Variants in VMP1 observed in about 807,000 individuals in gnomAD.
VMP1 encodes vacuole membrane protein 1, also known as ectopic P-granules autophagy protein 3 homolog.
A neutral mutation model predicts 56.0 loss-of-function variants in VMP1; 11 were observed. The ratio of observed to expected loss-of-function variants is 0.20; its 90% CI spans 0.12 to 0.32. The LOEUF (loss-of-function observed/expected upper bound fraction) is 0.32. VMP1 is among the 10% of genes least tolerant of loss of function. The pLI is 1.00. For missense variants in VMP1, 296 were observed against 490.3 expected (o/e 0.60, Z 3.74); for synonymous variants, 149 against 165.0 (o/e 0.90, Z 0.74).
chr17:59,773,677 A>G, intron 6 of VMP1, 77 bp from the exon 7 acceptor site: 2 of 1,365,106 alleles, frequency 1.5e-6, no homozygotes, highest in Non-Finnish European at 2.0e-6. Flanking sequence ...GGTGATATAG[A>G]AGAGTATGGG....
At chr17:59,770,734 C>T (rs1229308708) in intron 6 of VMP1, among the ~76,000 whole-genome samples, 1 of 151,984 alleles carries the variant, frequency 6.6e-6, no homozygotes, top group African/African-American at 2.4e-5. Context: ...GCGCACACCA[C>T]CATACCCGGC....
rs3064256 is a variant in VMP1, at chr17:59,713,683, CTT to C, written c.-27+5953_-27+5954del. On this transcript the variant is annotated intron_variant, in intron 1 of 11. Transcript: ENST00000262291. ...GACAACATGGCAAAACCCCATCTCT[CTT>C]TTTTTTTTTTTTTTTTTGTTAAAAA... is the stretch of plus-strand genomic sequence containing the variant. Among the ~76,000 whole-genome samples the C allele has an allele frequency of 3.3e-3, 357 of 108,724 alleles. 1 individual carries two copies. The highest frequency in any genetic ancestry group is 0.011 in the African/African-American group (303 of 28,334). 71.3% of individuals were successfully genotyped at this position (108,724 alleles called of 152,430 possible).
chr17:59,831,421 C>A (rs2038801121), intron 10 of VMP1, among the ~76,000 whole-genome samples: 1 of 152,150 alleles, frequency 6.6e-6, no homozygotes, highest in Non-Finnish European at 1.5e-5. Flanking sequence ...CCTCCTGCCT[C>A]AGTCTCCCAA....
chr17:59,789,745 A>G (rs1309780463), intron 7 of VMP1, among the ~76,000 whole-genome samples: 1 of 151,122 alleles, frequency 6.6e-6, no homozygotes, highest in African/African-American at 2.4e-5. Context: ...TTTATTTCTA[A>G]TTAGCCAAGA....
Position 59,708,690 on chromosome 17 carries a change from A to G in VMP1, c.-27+942A>G, listed in dbSNP as rs539257483. On this transcript the variant is annotated intron_variant, in intron 1 of 11. Coordinates refer to ENST00000262291, the MANE Select transcript of VMP1 (RefSeq NM_030938.5). ...CAAGTGTTTCTGGTGTTGTCATGAT[A>G]GAATTTAATATTCCAGTTGCTACTA... Among the ~76,000 whole-genome samples the G allele has an allele frequency of 2.6e-5, 4 of 152,368 alleles. No homozygotes were observed. The East Asian group carries it at 7.7e-4, about 29-fold the overall frequency.
At chr17:59,824,014 G>A (rs565068424) in intron 10 of VMP1, among the ~76,000 whole-genome samples, 187 of 151,856 alleles carry the variant, frequency 1.2e-3, no homozygotes, top group African/African-American at 4.1e-3. Flanking sequence ...CTGTAATCCC[G>A]GCACTTTGGG....
chr17:59,735,555 C>G, intron 3 of VMP1, 82 bp downstream of exon 3: 5 of 1,438,218 alleles, frequency 3.5e-6, no homozygotes, highest in Non-Finnish European at 3.8e-6. Context: ...TACTTTCTGC[C>G]CTCTACTCCA....
intron 6 of VMP1, among the ~76,000 whole-genome samples, chr17:59,768,706 G>C (rs139360124): frequency 0.023 from 3,423 of 152,054 alleles, 55 homozygotes; most frequent in Middle Eastern, 0.041. Flanking sequence ...TAATTCACCG[G>C]GCGCGGTGGC....
chr17:59,718,421 C>T (rs2034259610), intron 1 of VMP1, among the ~76,000 whole-genome samples: 1 of 151,862 alleles, frequency 6.6e-6, no homozygotes. Context: ...TGGTCTCAAT[C>T]TCCTGACCTC....
chr17:59,820,438 A>G (rs188919192), intron 10 of VMP1, among the ~76,000 whole-genome samples: 35 of 152,324 alleles, frequency 2.3e-4, no homozygotes, highest in Non-Finnish European at 4.7e-4. Flanking sequence ...CATGACAATC[A>G]CAAATGTCTC....
rs1470122014 is a variant in VMP1 at position 59,735,434 on chromosome 17, C to T, written c.173C>T (p.Ser58Phe). The T allele has an allele frequency of 1.2e-6, 2 of 1,614,126 alleles. No homozygotes were observed. The highest frequency in any genetic ancestry group is 1.7e-6 in the Non-Finnish European group (2 of 1,180,004). ...RQPLITLQYF[S>F]LEILVILKEW... is the part of the protein sequence containing the mutation. The stretch of plus-strand genomic sequence containing the variant: ...CCGCTCATTACCTTGCAGTATTTTT[C>T]TCTGGAAATCCTTGTAATCTTGAAG... Residue 58 changes from serine (S) to phenylalanine (F), a missense_variant, in exon 3 of 12, where the codon TCT becomes TTT. Around this residue, in one of 4 missense-constraint regions of VMP1, gnomAD observed 69 missense variants for 76.6 expected, o/e 0.90. Coordinates refer to ENST00000262291, the MANE Select transcript of VMP1 (RefSeq NM_030938.5).
chr17:59,739,380 A>C (rs1465475830), intron 5 of VMP1, among the ~76,000 whole-genome samples: 1 of 152,220 alleles, frequency 6.6e-6, no homozygotes, highest in African/African-American at 2.4e-5. Context: ...ATGGAGTATT[A>C]ACATGTAGAA....
In VMP1 at chr17:59,790,748, G is replaced by A. The variant is rs760585956; in HGVS notation, c.714+16863G>A. Among the ~76,000 whole-genome samples the A allele has an allele frequency of 9.2e-5, 14 of 152,208 alleles. 1 individual carries two copies. Among genetic ancestry groups the A allele is most frequent in the South Asian group, 4.2e-4 (2 of 4,816 alleles). On this transcript the variant is annotated intron_variant, in intron 7 of 11. Transcript: ENST00000262291. ...AGAGGCTGCAGTGAGCCATGATCAC[G>A]CCACTGCACTCCAGTCTGGGTGACA...
intron 7 of VMP1, among the ~76,000 whole-genome samples, chr17:59,799,888 G>T (rs962265234): frequency 2.0e-5 from 3 of 150,880 alleles, no homozygotes; most frequent in Admixed American, 6.6e-5. Flanking sequence ...ACTTGAACCC[G>T]GGAGGCGGAG....
chr17:59,725,911 A>G (rs1568029696), intron 1 of VMP1, among the ~76,000 whole-genome samples: 1 of 152,208 alleles, frequency 6.6e-6, no homozygotes, highest in Non-Finnish European at 1.5e-5. Flanking sequence ...CCTTCAAATA[A>G]TTGTGCAATA....
chr17:59,815,630 G>A (rs1199639894), intron 9 of VMP1, among the ~76,000 whole-genome samples: 2 of 152,142 alleles, frequency 1.3e-5, no homozygotes, highest in African/African-American at 4.8e-5. Flanking sequence ...GAGGCAGGTG[G>A]ATCACAAGGT....
intron 7 of VMP1, among the ~76,000 whole-genome samples, chr17:59,782,589 G>A (rs1432116838): frequency 4.6e-5 from 7 of 152,014 alleles, no homozygotes; most frequent in Non-Finnish European, 7.4e-5. Context: ...TTTGTTGCTG[G>A]GATCTGCTCG....
rs1164208658 is a variant in VMP1 at position 59,840,633 on chromosome 17, A to G, written c.*722A>G. 2 of 152,604 alleles carry G rather than the reference A, an allele frequency of 1.3e-5. No individual in the cohort carries two copies. The highest frequency in any genetic ancestry group is 4.8e-5 in the African/African-American group (2 of 41,460). The allele number at this position is 152,604 out of a possible 1,614,324, so 9.5% of individuals were successfully genotyped here. A position where few individuals can be genotyped will look rare whatever the true frequency, so the allele number is the denominator to read the frequency against. On this transcript the variant is annotated 3_prime_UTR_variant, in exon 12 of 12. Transcript: ENST00000262291. The stretch of plus-strand genomic sequence containing the variant: ...TTGAGCGTTTTGATTTTTTACTTTT[A>G]GCTTATACCAGCTGAATGGCAGCCT...
chr17:59,773,024 C>T (rs1056741199), intron 6 of VMP1, among the ~76,000 whole-genome samples: 5 of 117,940 alleles, frequency 4.2e-5, no homozygotes, highest in African/African-American at 1.6e-4. Flanking sequence ...TGTAGTGGTG[C>T]GATCTCAGCT....
Sources: allele counts gnomAD v4.1 joint callset (sites outside exome capture counted in the v4.1 genomes callset), GRCh38; gene constraint gnomAD v4.1.1; regional missense constraint gnomAD v4.1.1; transcripts MANE v1.5; gene names NCBI Gene and HGNC (gene_info 2026-07-23, HGNC 2026-07-21).